Variants in HS6ST3 observed in about 807,000 individuals in gnomAD.
HS6ST3 encodes the protein heparan sulfate 6-O-sulfotransferase 3, also known as heparan-sulfate 6-O-sulfotransferase 3.
In HS6ST3, 12 loss-of-function variants were observed where a neutral mutation model predicts 36.7. That is an observed-to-expected ratio of 0.33 (90% confidence interval 0.21 to 0.53). The LOEUF (loss-of-function observed/expected upper bound fraction) is 0.53. Ranked by LOEUF, HS6ST3 falls within the 20% of genes least tolerant of loss-of-function variation. The probability of loss-of-function intolerance (pLI) is 0.95; values close to 1 mark genes in which losing one functional copy is unlikely to be tolerated. For missense variants in HS6ST3, 584 were observed against 640.9 expected (o/e 0.91, Z 0.96); for synonymous variants, 240 against 257.5 (o/e 0.93, Z 0.65).
At chr13:96,189,571 A>G (rs899297536) in intron 1 of HS6ST3, among the ~76,000 whole-genome samples, 1 of 152,156 alleles carries the variant, frequency 6.6e-6, no homozygotes, top group African/African-American at 2.4e-5. Context: ...AGAAGCATTT[A>G]GTGTCTTCTG....
intron 1 of HS6ST3, among the ~76,000 whole-genome samples, chr13:96,636,843 G>A (rs1309534701): frequency 6.6e-6 from 1 of 152,036 alleles, no homozygotes; most frequent in African/African-American, 2.4e-5. Context: ...TATATATTTG[G>A]AGATTTCTGC....
chr13:96,820,747 G>A (rs1212895993), intron 1 of HS6ST3, among the ~76,000 whole-genome samples: 1 of 152,204 alleles, frequency 6.6e-6, no homozygotes, highest in Admixed American at 6.5e-5. Context: ...CAACATTCTT[G>A]AAATTATGCA....
At chr13:96,754,176 C>T (rs938349429) in intron 1 of HS6ST3, among the ~76,000 whole-genome samples, 14 of 152,034 alleles carry the variant, frequency 9.2e-5, no homozygotes, top group Admixed American at 4.6e-4. Context: ...CAAAACATCC[C>T]CTTTTTATTT....
chr13:96,564,206 G>T (rs999975509), intron 1 of HS6ST3, among the ~76,000 whole-genome samples: 1 of 152,142 alleles, frequency 6.6e-6, no homozygotes, highest in Non-Finnish European at 1.5e-5. Flanking sequence ...GCGTTTTGTA[G>T]AACTTTTCTT....
chr13:96,354,834 T>G (rs924816433), intron 1 of HS6ST3, among the ~76,000 whole-genome samples: 2 of 152,310 alleles, frequency 1.3e-5, no homozygotes, highest in East Asian at 3.9e-4. Context: ...CTATCAAATA[T>G]AGAACCATAC....
chr13:96,771,092 T>C (rs978233943), intron 1 of HS6ST3, among the ~76,000 whole-genome samples: 4 of 152,208 alleles, frequency 2.6e-5, no homozygotes. Context: ...AGCAGCATGA[T>C]TTATATTCCT....
intron 1 of HS6ST3, among the ~76,000 whole-genome samples, chr13:96,699,009 C>A (rs1385011405): frequency 6.6e-6 from 1 of 152,182 alleles, no homozygotes; most frequent in Admixed American, 6.5e-5. Flanking sequence ...AAAGGATTCC[C>A]TATTTAATAA....
chr13:96,701,613 A>T (rs1377163333), intron 1 of HS6ST3, among the ~76,000 whole-genome samples: 2 of 152,160 alleles, frequency 1.3e-5, no homozygotes, highest in East Asian at 3.9e-4. Context: ...AGGAGTTCCC[A>T]TGACAAAATT....
At chr13:96,462,312 C>T (rs1013229508) in intron 1 of HS6ST3, among the ~76,000 whole-genome samples, 2 of 152,136 alleles carry the variant, frequency 1.3e-5, no homozygotes, top group African/African-American at 4.8e-5. Flanking sequence ...CTCAAGTGAT[C>T]CTCCTACCTC....
chr13:96,405,632 A>G (rs183116540), intron 1 of HS6ST3, among the ~76,000 whole-genome samples: 3 of 152,300 alleles, frequency 2.0e-5, no homozygotes, highest in Non-Finnish European at 4.4e-5. Context: ...AGCGCATCCT[A>G]TATTTTCTAT....
chr13:96,219,850 A>G (rs1035062016), intron 1 of HS6ST3, among the ~76,000 whole-genome samples: 6 of 151,994 alleles, frequency 3.9e-5, no homozygotes, highest in Non-Finnish European at 7.4e-5. Context: ...CACCCAGCTA[A>G]TTTTTGTATT....
intron 1 of HS6ST3, among the ~76,000 whole-genome samples, chr13:96,425,162 C>A (rs1032468681): frequency 6.6e-6 from 1 of 152,160 alleles, no homozygotes; most frequent in African/African-American, 2.4e-5. Context: ...GAAGCCTCTT[C>A]TCTGTCAAAT....
At chr13:96,532,475 G>A (rs1308361358) in intron 1 of HS6ST3, among the ~76,000 whole-genome samples, 7 of 152,188 alleles carry the variant, frequency 4.6e-5, no homozygotes, top group Non-Finnish European at 8.8e-5. Flanking sequence ...CTAACTATGG[G>A]ACTGGTTCAC....
intron 1 of HS6ST3, among the ~76,000 whole-genome samples, chr13:96,519,685 G>A (rs1439364503): frequency 2.6e-5 from 4 of 152,212 alleles, no homozygotes; most frequent in Admixed American, 1.3e-4. Context: ...GGACAAATGA[G>A]TTTATATCCT....
intron 1 of HS6ST3, among the ~76,000 whole-genome samples, chr13:96,512,643 T>G (rs1460000802): frequency 6.6e-6 from 1 of 152,148 alleles, no homozygotes; most frequent in Admixed American, 6.6e-5. Flanking sequence ...ATTTATCAAT[T>G]TGTTGCCATT....
chr13:96,223,902 T>C (rs2054468004), intron 1 of HS6ST3, among the ~76,000 whole-genome samples: 2 of 152,126 alleles, frequency 1.3e-5, no homozygotes, highest in Non-Finnish European at 1.5e-5. Flanking sequence ...TTCTTCCAGA[T>C]GGCAGCTAGT....
At chr13:96,783,719 G>A (rs2138515504) in intron 1 of HS6ST3, among the ~76,000 whole-genome samples, 1 of 152,098 alleles carries the variant, frequency 6.6e-6, no homozygotes, top group Non-Finnish European at 1.5e-5. Context: ...TGGGGGCTGA[G>A]CAATGCAATT....
chr13:96,094,272 C>T (rs186974538), intron 1 of HS6ST3, among the ~76,000 whole-genome samples: 3 of 152,156 alleles, frequency 2.0e-5, no homozygotes, highest in Admixed American at 6.5e-5. Context: ...AGTATATATG[C>T]GTAGTATAAT....
chr13:96,303,238 G>A (rs1241003289), intron 1 of HS6ST3, among the ~76,000 whole-genome samples: 1 of 152,116 alleles, frequency 6.6e-6, no homozygotes, highest in Non-Finnish European at 1.5e-5. Context: ...ATAATTTTGT[G>A]AATATTGAAT....
Sources: allele counts gnomAD v4.1 joint callset (sites outside exome capture counted in the v4.1 genomes callset), GRCh38; gene constraint gnomAD v4.1.1; transcripts MANE v1.5; gene names NCBI Gene and HGNC (gene_info 2026-07-23, HGNC 2026-07-21).